SLC5A3: variants seen among roughly 807,000 people sequenced by gnomAD.
The protein encoded by SLC5A3 is sodium/myo-inositol cotransporter.
In SLC5A3, 10 loss-of-function variants were observed where a neutral mutation model predicts 43.2. The ratio of observed to expected loss-of-function variants is 0.23; its 90% CI spans 0.14 to 0.39. SLC5A3 has a LOEUF of 0.39. Ranked by LOEUF, SLC5A3 falls within the 10% of genes least tolerant of loss-of-function variation. The probability of loss-of-function intolerance (pLI) is 1.00; values close to 1 mark genes in which losing one functional copy is unlikely to be tolerated. For synonymous variants in SLC5A3, 349 were observed against 322.0 expected, an observed-to-expected ratio of 1.08 and a Z score of -0.90; for missense variants, 608 against 893.4, an observed-to-expected ratio of 0.68 and a Z score of 4.07.
chr21:34,096,605 G>T lies in SLC5A3; in HGVS notation c.1407G>T (p.Gly469=). 1 of 1,614,100 alleles carries T rather than the reference G, an allele frequency of 6.2e-7. No individual in the cohort carries two copies. The highest frequency in any genetic ancestry group is 8.5e-7 in the Non-Finnish European group (1 of 1,179,996). Residue 469 remains glycine (G), a synonymous_variant, in exon 2 of 2, where the codon GGG becomes GGT. Coordinates refer to ENST00000381151, the MANE Select transcript of SLC5A3 (RefSeq NM_006933.7). The surrounding 1 kb of genome is among the most constrained non-coding windows in gnomAD (Gnocchi z 5.9). Reference sequence around the variant, plus strand: ...TCTGGAAGCGCTGCAATGAACAAGGGGCTTTCTATGGTGGAATGGCTGGCT... The same window carrying T: ...TCTGGAAGCGCTGCAATGAACAAGGTGCTTTCTATGGTGGAATGGCTGGCT... ...AIFWKRCNEQ[G]AFYGGMAGFV... is the part of the protein sequence containing the mutation.
rs1311075455 is a variant in SLC5A3 at position 34,103,265 on chromosome 21, A to G, written c.*5910A>G. On this transcript the variant is annotated 3_prime_UTR_variant, in exon 2 of 2. Coordinates refer to ENST00000381151, the MANE Select transcript of SLC5A3 (RefSeq NM_006933.7). ...TTGCACCTTTCCGTTCTTAACAGAA[A>G]ATTTGTATTTGTTATTCCTCTTAAA... 100 of 999,098 alleles carry G rather than the reference A, an allele frequency of 1.0e-4. No individual in the cohort carries two copies. Among genetic ancestry groups the G allele is most frequent in the Non-Finnish European group, 1.1e-4 (95 of 829,434 alleles). 61.9% of individuals were successfully genotyped at this position (999,098 alleles called of 1,614,324 possible).
At chr21:34,076,889 C>T (rs181940339) in intron 1 of SLC5A3, among the ~76,000 whole-genome samples, 82 of 152,318 alleles carry the variant, frequency 5.4e-4, no homozygotes, top group African/African-American at 1.9e-3. Flanking sequence ...TTATTCACTT[C>T]TGGAAAACAC....
chr21:34,079,430 C>T (rs1345665946), intron 1 of SLC5A3, among the ~76,000 whole-genome samples: 5 of 150,852 alleles, frequency 3.3e-5, no homozygotes, highest in African/African-American at 1.2e-4. Context: ...TTGATTTCTC[C>T]CTTCTTCTTC....
intron 1 of SLC5A3, among the ~76,000 whole-genome samples, chr21:34,093,270 A>G (rs984471250): frequency 7.9e-5 from 12 of 151,136 alleles, no homozygotes; most frequent in Non-Finnish European, 1.5e-4. Flanking sequence ...TTCTCTGGCA[A>G]TCAATCTTAT....
At chr21:34,091,972 C>T (rs1307706608) in intron 1 of SLC5A3, among the ~76,000 whole-genome samples, 4 of 151,944 alleles carry the variant, frequency 2.6e-5, no homozygotes, top group Non-Finnish European at 4.4e-5. Flanking sequence ...TGAACTGTGA[C>T]AAAAAGCATA....
chr21:34,079,444 C>T (rs1989408999), intron 1 of SLC5A3, among the ~76,000 whole-genome samples: 1 of 150,006 alleles, frequency 6.7e-6, no homozygotes, highest in Non-Finnish European at 1.5e-5. Context: ...CTTCTTCTTT[C>T]TGTTTTTTTG....
rs1026411361 is a variant in SLC5A3 at position 34,105,008 on chromosome 21, A to G, written c.*7653A>G. The G allele has an allele frequency of 1.7e-5, 17 of 999,950 alleles. No homozygotes were observed. Among genetic ancestry groups the G allele is most frequent in the Non-Finnish European group, 2.0e-5 (17 of 829,870 alleles). 61.9% of individuals were successfully genotyped at this position (999,950 alleles called of 1,614,324 possible). On this transcript the variant is annotated 3_prime_UTR_variant, in exon 2 of 2. Coordinates refer to ENST00000381151, the MANE Select transcript of SLC5A3 (RefSeq NM_006933.7). Reference sequence around the variant, plus strand: ...TAGAGTTTTCTAATTTCACTGTGAGATCTCTAACTTTTGAGTGGCAAACAG... The same window carrying G: ...TAGAGTTTTCTAATTTCACTGTGAGGTCTCTAACTTTTGAGTGGCAAACAG...
chr21:34,089,123 G>A (rs1360821387), intron 1 of SLC5A3, among the ~76,000 whole-genome samples: 1 of 152,022 alleles, frequency 6.6e-6, no homozygotes, highest in African/African-American at 2.4e-5. Flanking sequence ...ACCTCTCTGG[G>A]TTCAAGCGAT....
In SLC5A3 at chr21:34,104,848, T is replaced by G. The variant is rs1979406151; in HGVS notation, c.*7493T>G. ...CCTTTACATGTTTTTAAATTTAAGA[T>G]AGTTTGTAAGAACTGTACAAAAAAA... On this transcript the variant is annotated 3_prime_UTR_variant, in exon 2 of 2. Coordinates refer to ENST00000381151, the MANE Select transcript of SLC5A3 (RefSeq NM_006933.7). 3 of 999,938 alleles carry G rather than the reference T, an allele frequency of 3.0e-6. No homozygotes were observed. The highest frequency in any genetic ancestry group is 3.6e-6 in the Non-Finnish European group (3 of 829,676). 61.9% of individuals were successfully genotyped at this position (999,938 alleles called of 1,614,324 possible).
At chr21:34,089,310 G>A (rs1473637659) in intron 1 of SLC5A3, among the ~76,000 whole-genome samples, 2 of 151,858 alleles carry the variant, frequency 1.3e-5, no homozygotes, top group Non-Finnish European at 2.9e-5. Context: ...GAGTCACCAC[G>A]CCCAGCCTGT....
intron 1 of SLC5A3, among the ~76,000 whole-genome samples, chr21:34,092,766 C>T (rs1442957523): frequency 6.6e-6 from 1 of 152,060 alleles, no homozygotes; most frequent in African/African-American, 2.4e-5. Flanking sequence ...ACCCTATTTC[C>T]CCCCCAACGG....
Position 34,097,742 on chromosome 21 carries a change from A to T in SLC5A3, c.*387A>T, listed in dbSNP as rs1007925714. The T allele has an allele frequency of 9.0e-6, 9 of 1,001,044 alleles. No homozygotes were observed. The highest frequency in any genetic ancestry group is 5.2e-5 in the African/African-American group (3 of 57,154). The allele number at this position is 1,001,044 out of a possible 1,614,324, so 62.0% of individuals were successfully genotyped here. A position where few individuals can be genotyped will look rare whatever the true frequency, so the allele number is the denominator to read the frequency against. On this transcript the variant is annotated 3_prime_UTR_variant, in exon 2 of 2. Coordinates refer to ENST00000381151, the MANE Select transcript of SLC5A3 (RefSeq NM_006933.7). ...AAGTAGAAGATTTGCTCATTTCTAA[A>T]TTTTTTTTTCTGTCTCTGTAATCCC...
At chr21:34,081,971 T>C (rs1989468825) in intron 1 of SLC5A3, among the ~76,000 whole-genome samples, 1 of 152,088 alleles carries the variant, frequency 6.6e-6, no homozygotes, top group Non-Finnish European at 1.5e-5. Flanking sequence ...ATTATTGCCA[T>C]GAGGGGTGTG....
intron 1 of SLC5A3, among the ~76,000 whole-genome samples, chr21:34,074,808 G>A (rs1346995565): frequency 6.6e-6 from 1 of 152,238 alleles, no homozygotes; most frequent in Admixed American, 6.5e-5. Flanking sequence ...TCAATTGCGA[G>A]GAGTATTACC....
In SLC5A3 at chr21:34,081,442, C is replaced by T. The variant is rs567998457; in HGVS notation, c.-337+7697C>T. Among the ~76,000 whole-genome samples the T allele has an allele frequency of 3.5e-4, 53 of 152,202 alleles. 1 individual carries two copies. In the South Asian group the frequency reaches 0.011, roughly 31 times the overall value. ...ATGGCTTTGGGTATGAAGGCTTCTG[C>T]TTTATAGAAAAATGCTGATTTTTTT... is the stretch of plus-strand genomic sequence containing the variant. On this transcript the variant is annotated intron_variant, in intron 1 of 1. Transcript: ENST00000381151.
At position 34,105,955 on chromosome 21, in the gene SLC5A3, CAT is replaced by C. The variant is rs1156763312; in HGVS notation, c.*8601_*8602del. The stretch of plus-strand genomic sequence containing the variant: ...CAATCTGATTTTTTAAAATTGTAAA[CAT>C]GTATGATCTTGGTTTCATGTGTTTT... On this transcript the variant is annotated 3_prime_UTR_variant, in exon 2 of 2. Coordinates refer to ENST00000381151, the MANE Select transcript of SLC5A3 (RefSeq NM_006933.7). 12 of 992,604 alleles carry C rather than the reference CAT, an allele frequency of 1.2e-5. No homozygotes were observed. The highest frequency in any genetic ancestry group is 1.1e-4 in the East Asian group (1 of 8,776). 61.5% of individuals were successfully genotyped at this position (992,604 alleles called of 1,614,324 possible).
Position 34,100,819 on chromosome 21 carries a change from G to A in SLC5A3, c.*3464G>A, listed in dbSNP as rs933711932. ...TCCCCTCTGACTTTGAATATCATTT[G>A]GTGTGGCCTGTGGGTTATTTTCATT... On this transcript the variant is annotated 3_prime_UTR_variant, in exon 2 of 2. Coordinates refer to ENST00000381151, the MANE Select transcript of SLC5A3 (RefSeq NM_006933.7). 1.0e-6 allele frequency: 1 copy of A among 1,000,062 alleles called. No individual in the cohort carries two copies. Among genetic ancestry groups the A allele is most frequent in the African/African-American group, 1.7e-5 (1 of 57,188 alleles). 61.9% of individuals were successfully genotyped at this position (1,000,062 alleles called of 1,614,324 possible). A position where few individuals can be genotyped will look rare whatever the true frequency, so the allele number is the denominator to read the frequency against.
Position 34,099,083 on chromosome 21 carries a change from A to C in SLC5A3, c.*1728A>C. Reference sequence around the variant, plus strand: ...AATTTTAGAAATTGTCAGGTAGCATAGTGTCTTCCCATGATCAGGAGGCTT... The same window carrying C: ...AATTTTAGAAATTGTCAGGTAGCATCGTGTCTTCCCATGATCAGGAGGCTT... On this transcript the variant is annotated 3_prime_UTR_variant, in exon 2 of 2. Transcript: ENST00000381151. The C allele has an allele frequency of 1.0e-6, 1 of 999,570 alleles. No individual in the cohort carries two copies. The highest frequency in any genetic ancestry group is 1.2e-6 in the Non-Finnish European group (1 of 829,544). 61.9% of individuals were successfully genotyped at this position (999,570 alleles called of 1,614,324 possible).
intron 1 of SLC5A3, among the ~76,000 whole-genome samples, chr21:34,079,404 T>C (rs1989407913): frequency 1.3e-5 from 2 of 152,104 alleles, no homozygotes; most frequent in Non-Finnish European, 2.9e-5. Flanking sequence ...TGCTGCTGTT[T>C]TCTGATGTTA....
Sources: gnomAD v4.1 joint callset for allele counts (sites outside exome capture counted in the v4.1 genomes callset) on GRCh38, gnomAD v4.1.1 for gene constraint, Gnocchi (gnomAD v3.1) non-coding constraint, MANE v1.5 for transcripts, NCBI Gene and HGNC (gene_info 2026-07-23, HGNC 2026-07-21) for gene names.